Variants in CFAP251 observed in about 807,000 individuals in gnomAD.
CFAP251 encodes cilia- and flagella-associated protein 251.
Under a neutral mutation model 126.7 loss-of-function variants are expected in CFAP251, and 93 were observed. The ratio of observed to expected loss-of-function variants is 0.73; its 90% confidence interval spans 0.62 to 0.87. The LOEUF is 0.87. Ranked by LOEUF, CFAP251 falls within the 40% of genes least tolerant of loss-of-function variation. The pLI, the probability that CFAP251 is intolerant of heterozygous loss-of-function variation, is 0.00. For synonymous variants in CFAP251, 503 were observed against 506.9 expected, an observed-to-expected ratio of 0.99 and a Z score of 0.10; for missense variants, 1,287 against 1,389.2, an observed-to-expected ratio of 0.93 and a Z score of 1.17.
rs138364725 is a variant in CFAP251 at position 121,958,370 on chromosome 12, G to A, written c.1829G>A (p.Cys610Tyr). Residue 610 changes from cysteine (C) to tyrosine (Y), a missense_variant, in exon 12 of 22, where the codon TGT (cysteine) becomes TAT (tyrosine). Cys to Tyr is a radical substitution (Grantham distance 194). Coordinates refer to ENST00000288912, the MANE Select transcript of CFAP251 (RefSeq NM_144668.6). ...KLFVEPKDAI[C>Y]AISCHPYQPL... ...TTTGTAGAGCCCAAGGATGCCATTT[G>A]TGCCATCTCCTGCCACCCATATCAA... 424 of 1,614,224 alleles carry A rather than the reference G, an allele frequency of 2.6e-4. 2 individuals are homozygous for A. The African/African-American group carries it at 5.1e-3, about 19-fold the overall frequency.
chr12:121,920,648 A>T (rs546368320), intron 1 of CFAP251, among the ~76,000 whole-genome samples: 1 of 152,076 alleles, frequency 6.6e-6, no homozygotes, highest in South Asian at 2.1e-4. Context: ...CACCCGCGTC[A>T]GCCTCCCAAA....
rs373370869 is a variant in CFAP251 at position 121,999,862 on chromosome 12, C to G, written c.3153C>G (p.Ser1051Arg). ...FGNTMSGIHKSFEVLGYTNSK... is the reference protein window; with the variant it reads ...FGNTMSGIHKRFEVLGYTNSK... Reference sequence around the variant, plus strand: ...ACACCATGAGTGGCATCCACAAGAGCTTTGAGGTGCTCGGTTATACCAACT... The same window carrying G: ...ACACCATGAGTGGCATCCACAAGAGGTTTGAGGTGCTCGGTTATACCAACT... Residue 1051 changes from serine to arginine, a missense_variant, in exon 20 of 22, where the codon AGC becomes AGG. Coordinates refer to ENST00000288912, the MANE Select transcript of CFAP251 (RefSeq NM_144668.6). 3 of 1,614,056 alleles carry G rather than the reference C, an allele frequency of 1.9e-6. No homozygotes were observed. The highest frequency in any genetic ancestry group is 2.5e-6 in the Non-Finnish European group (3 of 1,180,028).
intron 8 of CFAP251, chr12:121,949,300 T>C (rs1418690700): frequency 2.2e-5 from 5 of 229,420 alleles, no homozygotes; most frequent in Non-Finnish European, 4.2e-5. Flanking sequence ...GGCAAATGTT[T>C]ATTTGAATTT....
chr12:121,952,527 G>T (rs900625383), intron 9 of CFAP251, among the ~76,000 whole-genome samples: 3 of 152,094 alleles, frequency 2.0e-5, no homozygotes, highest in Admixed American at 6.6e-5. Context: ...TAGGTATTTA[G>T]ATGTTTGAGA....
intron 19 of CFAP251, among the ~76,000 whole-genome samples, chr12:121,991,975 A>G (rs1426074229): frequency 6.6e-6 from 1 of 152,142 alleles, no homozygotes; most frequent in East Asian, 1.9e-4. Context: ...CCTGGGCGAC[A>G]GAGTGAGACT....
chr12:121,956,477 A>G (rs1881731463), intron 10 of CFAP251, among the ~76,000 whole-genome samples: 1 of 152,122 alleles, frequency 6.6e-6, no homozygotes, highest in Admixed American at 6.6e-5. Flanking sequence ...ATGTACTTAC[A>G]CTAAATTTTT....
At chr12:121,978,612 A>T (rs2135802329) in intron 19 of CFAP251, among the ~76,000 whole-genome samples, 1 of 152,162 alleles carries the variant, frequency 6.6e-6, no homozygotes, top group African/African-American at 2.4e-5. Flanking sequence ...TTGAGATTAT[A>T]TGGTATATAT....
chr12:121,925,395 G>A (rs1455800185), intron 3 of CFAP251, among the ~76,000 whole-genome samples: 3 of 152,188 alleles, frequency 2.0e-5, no homozygotes, highest in Non-Finnish European at 4.4e-5. Context: ...AGATGTGGAA[G>A]CGATTGAATG....
intron 19 of CFAP251, among the ~76,000 whole-genome samples, chr12:121,980,327 G>C (rs1209125706): frequency 6.6e-6 from 1 of 151,988 alleles, no homozygotes; most frequent in East Asian, 1.9e-4. Context: ...TCGCACCCAG[G>C]ACCACTCTGA....
At chr12:122,002,287 G>A (rs527756814) in intron 21 of CFAP251, among the ~76,000 whole-genome samples, 8 of 151,580 alleles carry the variant, frequency 5.3e-5, no homozygotes, top group Admixed American at 4.6e-4. Flanking sequence ...TCCAGGAGGT[G>A]GAGGTTGCAG....
intron 15 of CFAP251, among the ~76,000 whole-genome samples, chr12:121,966,256 TC>T (rs1484570780): frequency 4.4e-5 from 1 of 22,942 alleles, no homozygotes; most frequent in Non-Finnish European, 8.3e-5. Context: ...CCCCTCCCCC[TC>T]CCCCTCCCCT....
At chr12:121,960,897 C>CCAA in intron 14 of CFAP251, 139 bp downstream of exon 14, 1 of 1,059,046 alleles carries the variant, frequency 9.4e-7, no homozygotes, top group Non-Finnish European at 1.3e-6. Flanking sequence ...GGATCACAAA[C>CCAA]CTCTCCAGGT....
chr12:121,982,998 A>G (rs1172849330), intron 19 of CFAP251, among the ~76,000 whole-genome samples: 3 of 152,140 alleles, frequency 2.0e-5, no homozygotes, highest in Non-Finnish European at 2.9e-5. Context: ...TTGGGAGGCC[A>G]AGGCAGAGGG....
chr12:121,967,179 A>G, intron 16 of CFAP251, 110 bp downstream of exon 16: 1 of 961,546 alleles, frequency 1.0e-6, no homozygotes, highest in South Asian at 1.5e-5. Context: ...AGCCAAGCCC[A>G]ACTGCTTCCA....
chr12:121,926,445 G>C (rs1190855624), intron 3 of CFAP251, among the ~76,000 whole-genome samples: 1 of 151,944 alleles, frequency 6.6e-6, no homozygotes, highest in Non-Finnish European at 1.5e-5. Flanking sequence ...TCCCACCTCA[G>C]CCTCCCCAGT....
At chr12:121,954,044 T>A in intron 9 of CFAP251, 76 bp from the exon 10 acceptor site, 1 of 1,261,390 alleles carries the variant, frequency 7.9e-7, no homozygotes, top group Admixed American at 2.0e-5. Context: ...AGCATAGCAT[T>A]ATAAAATATC....
intron 17 of CFAP251, among the ~76,000 whole-genome samples, chr12:121,973,241 ATGACGT>A (rs1396639076): frequency 6.6e-6 from 1 of 152,244 alleles, no homozygotes; most frequent in Non-Finnish European, 1.5e-5. Context: ...GGCAGCTTTC[ATGACGT>A]GTTGAGCCTG....
chr12:121,968,097 C>T lies in CFAP251; in HGVS notation c.2699C>T (p.Ser900Phe). ...HPNGVAGMAVSYDGCYAFTAG... is the reference protein window; with the variant it reads ...HPNGVAGMAVFYDGCYAFTAG... Reference sequence around the variant, plus strand: ...AACGGGGTGGCCGGCATGGCCGTTTCCTATGATGGCTGCTACGCCTTCACT... The same window carrying T: ...AACGGGGTGGCCGGCATGGCCGTTTTCTATGATGGCTGCTACGCCTTCACT... The change falls in exon 17 of 22, where the codon TCC (serine) becomes TTC (phenylalanine). Residue 900 changes from serine (S) to phenylalanine (F), a missense_variant. Transcript: ENST00000288912. The T allele has an allele frequency of 6.2e-7, 1 of 1,613,718 alleles. No individual in the cohort carries two copies. The highest frequency in any genetic ancestry group is 8.5e-7 in the Non-Finnish European group (1 of 1,179,704).
At chr12:121,919,143 A>ATTATTATTT (rs1555215102) in intron 1 of CFAP251, among the ~76,000 whole-genome samples, 1 of 146,558 alleles carries the variant, frequency 6.8e-6, no homozygotes, top group East Asian at 2.0e-4. Flanking sequence ...TATTATTATT[A>ATTATTATTT]TTTTTTTTTT....
Sources: allele counts gnomAD v4.1 joint callset (sites outside exome capture counted in the v4.1 genomes callset), GRCh38; gene constraint gnomAD v4.1.1; transcripts MANE v1.5; gene names NCBI Gene and HGNC (gene_info 2026-07-23, HGNC 2026-07-21).